Variants in ADAMTSL1 observed in about 807,000 individuals in gnomAD.
ADAMTSL1 encodes ADAMTS like 1.
In ADAMTSL1, 126 loss-of-function variants were observed where a neutral mutation model predicts 201.8. The observed-to-expected ratio is 0.62, with a 90% confidence interval of 0.54 to 0.72. ADAMTSL1 has a LOEUF of 0.72. Among genes scored for constraint, ADAMTSL1 ranks in the 30% least tolerant of loss-of-function variants. The pLI is 0.00. For missense variants in ADAMTSL1, 2,679 were observed against 2,277.8 expected, an observed-to-expected ratio of 1.18 and a Z score of -3.59; for synonymous variants, 1,121 against 903.4, an observed-to-expected ratio of 1.24 and a Z score of -4.32.
At chr9:18,828,230 C>T (rs977709140) in intron 22 of ADAMTSL1, among the ~76,000 whole-genome samples, 20 of 152,144 alleles carry the variant, frequency 1.3e-4, no homozygotes, top group African/African-American at 4.8e-4. Flanking sequence ...GGAGAATTTA[C>T]AGTTTTCCTG....
At chr9:18,666,348 A>T (rs1430110290) in intron 9 of ADAMTSL1, among the ~76,000 whole-genome samples, 1 of 152,192 alleles carries the variant, frequency 6.6e-6, no homozygotes, top group Admixed American at 6.5e-5. Context: ...TGACTTTTAG[A>T]TAAAATTAAT....
Position 18,853,889 on chromosome 9 carries a change from C to CTGTGTGTGTG in ADAMTSL1, c.4249+23933_4249+23942dup, listed in dbSNP as rs71333070. On this transcript the variant is annotated intron_variant, in intron 23 of 28. Coordinates refer to ENST00000380548, the MANE Select transcript of ADAMTSL1 (RefSeq NM_001040272.6). ...TGTGGAGTCTACTTGTATTCACTCT[C>CTGTGTGTGTG]TGTGTGTGTGTGTGTGTGTGTGTGT... Among the ~76,000 whole-genome samples the CTGTGTGTGTG allele has an allele frequency of 3.3e-3, 396 of 120,344 alleles. 3 individuals carry two copies. Among genetic ancestry groups the CTGTGTGTGTG allele is most frequent in the African/African-American group, 6.1e-3 (232 of 37,832 alleles). 79.0% of individuals were successfully genotyped at this position (120,344 alleles called of 152,430 possible).
intron 4 of ADAMTSL1, among the ~76,000 whole-genome samples, chr9:18,611,314 G>T (rs777992748): frequency 6.6e-6 from 1 of 152,078 alleles, no homozygotes; most frequent in Admixed American, 6.6e-5. Flanking sequence ...ATTTTGTTTC[G>T]CATTCTCCAG....
intron 9 of ADAMTSL1, 29 bp downstream of exon 9, chr9:18,662,102 A>G (rs748846167): frequency 5.0e-6 from 8 of 1,601,754 alleles, no homozygotes; most frequent in Admixed American, 1.8e-5. Flanking sequence ...TTCATTTGTC[A>G]TAAACATAAC....
In ADAMTSL1 at chr9:18,721,279, G is replaced by C. The variant is rs562917515; in HGVS notation, c.1877-257G>C. Among the ~76,000 whole-genome samples the C allele has an allele frequency of 5.1e-4, 78 of 152,316 alleles. 1 individual carries two copies. In the South Asian group the frequency reaches 0.016, roughly 31 times the overall value. ...TTTAAGCATTTCAAGAGTCTAGGTA[G>C]CAGCCTCTCTTCTGTGGGGGAGTTG... On this transcript the variant is annotated intron_variant, in intron 14 of 28. Coordinates refer to ENST00000380548, the MANE Select transcript of ADAMTSL1 (RefSeq NM_001040272.6).
intron 1 of ADAMTSL1, among the ~76,000 whole-genome samples, chr9:18,075,961 A>G (rs1479325537): frequency 6.6e-6 from 1 of 152,230 alleles, no homozygotes; most frequent in Non-Finnish European, 1.5e-5. Context: ...GTCAACACAA[A>G]TAAACACTCA....
At chr9:18,513,061 G>T (rs1024474765) in intron 2 of ADAMTSL1, among the ~76,000 whole-genome samples, 1 of 152,164 alleles carries the variant, frequency 6.6e-6, no homozygotes, top group African/African-American at 2.4e-5. Context: ...CTTAGACCTA[G>T]ACTGAGCTGG....
intron 2 of ADAMTSL1, among the ~76,000 whole-genome samples, chr9:18,302,187 G>C (rs567432115): frequency 6.6e-6 from 1 of 152,248 alleles, no homozygotes; most frequent in South Asian, 2.1e-4. Flanking sequence ...GTGTAGGATA[G>C]AATTTGGGAA....
chr9:18,748,065 G>A (rs1415330766), intron 15 of ADAMTSL1, among the ~76,000 whole-genome samples: 1 of 152,218 alleles, frequency 6.6e-6, no homozygotes, highest in Non-Finnish European at 1.5e-5. Flanking sequence ...GGTCAAGCCA[G>A]GAGGGCTTCA....
At chr9:18,897,206 CAG>C (rs1829696871) in intron 26 of ADAMTSL1, among the ~76,000 whole-genome samples, 1 of 152,240 alleles carries the variant, frequency 6.6e-6, no homozygotes, top group Non-Finnish European at 1.5e-5. Flanking sequence ...GTTATACTAA[CAG>C]ATGTCTGATC....
At chr9:18,891,724 T>C (rs568427571) in intron 25 of ADAMTSL1, among the ~76,000 whole-genome samples, 2 of 152,328 alleles carry the variant, frequency 1.3e-5, no homozygotes, top group South Asian at 4.1e-4. Flanking sequence ...GCAGGAAGTA[T>C]ACCGAGCACT....
intron 1 of ADAMTSL1, among the ~76,000 whole-genome samples, chr9:18,011,739 C>G (rs1042979675): frequency 6.6e-6 from 1 of 152,046 alleles, no homozygotes. Context: ...GAAGGAAATC[C>G]AAAGCCTAAA....
intron 2 of ADAMTSL1, among the ~76,000 whole-genome samples, chr9:18,432,633 C>T (rs1283461264): frequency 4.6e-5 from 7 of 152,154 alleles, no homozygotes; most frequent in Non-Finnish European, 1.0e-4. Flanking sequence ...ACCAATAAAA[C>T]CCACATTCCA....
intron 2 of ADAMTSL1, among the ~76,000 whole-genome samples, chr9:18,276,051 C>G (rs1204069137): frequency 6.6e-6 from 1 of 152,122 alleles, no homozygotes. Context: ...TCTATTTTAT[C>G]TGATACAGGT....
intron 1 of ADAMTSL1, among the ~76,000 whole-genome samples, chr9:18,070,932 A>C (rs1822935677): frequency 6.6e-6 from 1 of 152,224 alleles, no homozygotes; most frequent in African/African-American, 2.4e-5. Flanking sequence ...GTCTAGGGGC[A>C]GAGAAGAAAC....
At chr9:18,454,006 C>G (rs748247920) in intron 2 of ADAMTSL1, among the ~76,000 whole-genome samples, 1 of 152,104 alleles carries the variant, frequency 6.6e-6, no homozygotes, top group Non-Finnish European at 1.5e-5. Context: ...CAATATCTGC[C>G]TATAGATAGA....
At chr9:18,078,427 G>A (rs80259865) in intron 1 of ADAMTSL1, among the ~76,000 whole-genome samples, 99 of 152,172 alleles carry the variant, frequency 6.5e-4, no homozygotes, top group African/African-American at 2.3e-3. Flanking sequence ...TCAAAAATAA[G>A]CCTTTCTTCC....
intron 23 of ADAMTSL1, among the ~76,000 whole-genome samples, chr9:18,886,179 T>TAC (rs1828859502): frequency 8.8e-6 from 1 of 113,362 alleles, no homozygotes; most frequent in Admixed American, 8.6e-5. Context: ...TATATATATA[T>TAC]ATATATATAT....
At chr9:17,990,513 C>T (rs113157927) in intron 1 of ADAMTSL1, among the ~76,000 whole-genome samples, 8,167 of 151,916 alleles carry the variant, frequency 0.054, 323 homozygotes, top group African/African-American at 0.099. Flanking sequence ...TTTTTTTCAC[C>T]TTTTCTTAAC....
Sources: allele counts gnomAD v4.1 joint callset (sites outside exome capture counted in the v4.1 genomes callset), GRCh38; gene constraint gnomAD v4.1.1; transcripts MANE v1.5; gene names NCBI Gene and HGNC (gene_info 2026-07-23, HGNC 2026-07-21).